The following KCNE3 variants were observed in gnomAD, a reference collection of about 807,000 sequenced individuals.
The protein encoded by KCNE3 is potassium voltage-gated channel subfamily E regulatory subunit 3, also known as potassium voltage-gated channel subfamily E member 3.
KCNE3 carries 2 observed loss-of-function variants against 4.3 expected under a neutral mutation model. That is an observed-to-expected ratio of 0.47 (90% CI 0.19 to 1.48). The LOEUF (loss-of-function observed/expected upper bound fraction) is 1.48, where lower values mean the gene tolerates loss of function less well. KCNE3 is among the 40% of genes most tolerant of loss of function. The pLI is 0.25. For missense variants in KCNE3, 128 were observed against 136.8 expected (o/e 0.94, Z 0.32); for synonymous variants, 47 against 52.0 (o/e 0.90, Z 0.41).
At chr11:74,466,962 G>C (rs1864069522) in intron 1 of KCNE3, among the ~76,000 whole-genome samples, 1 of 152,172 alleles carries the variant, frequency 6.6e-6, no homozygotes, top group Non-Finnish European at 1.5e-5. Flanking sequence ...GGTGTAGAGG[G>C]AATGGGCAAG....
In KCNE3 at chr11:74,457,339, G is replaced by A. The variant is rs1232156443; in HGVS notation, c.225C>T (p.Leu75=). The A allele has an allele frequency of 2.5e-6, 4 of 1,614,236 alleles. No homozygotes were observed. The highest frequency in any genetic ancestry group is 1.7e-5 in the Admixed American group (1 of 60,032). Residue 75 remains leucine (L), a synonymous_variant, in exon 3 of 3, where the codon CTC becomes CTT. Coordinates refer to ENST00000310128, the MANE Select transcript of KCNE3 (RefSeq NM_005472.5). Reference sequence around the variant, plus strand: ...TGCGGGAGCGGGTGTATCCCAGGATGAGGCTGCCCACAGTTACAGCAAATA... The same window carrying A: ...TGCGGGAGCGGGTGTATCCCAGGATAAGGCTGCCCACAGTTACAGCAAATA... The part of the protein sequence containing the change: ...MFLFAVTVGS[L]ILGYTRSRKV...
intron 1 of KCNE3, among the ~76,000 whole-genome samples, chr11:74,462,581 G>A (rs72550289): frequency 9.2e-5 from 14 of 152,238 alleles, no homozygotes; most frequent in Non-Finnish European, 1.9e-4. Flanking sequence ...CAGATAGACA[G>A]GATATGAACA....
intron 1 of KCNE3, among the ~76,000 whole-genome samples, chr11:74,465,849 C>T (rs1864047538): frequency 6.6e-6 from 1 of 152,158 alleles, no homozygotes; most frequent in South Asian, 2.1e-4. Flanking sequence ...GCAGGCTGGT[C>T]ACACTGTTTT....
rs1256343463 is a variant in KCNE3 at position 74,457,506 on chromosome 11, C to T, written c.58G>A (p.Ala20Thr). ...WYESLHAVLK[A>T]LNATLHSNLL... ...TTGCTGTGAAGAGTGGCATTTAGAG[C>T]CTTCAGCACGGCATGCAGGCTCTCA... is the stretch of plus-strand genomic sequence containing the variant. The change falls in exon 3 of 3, where the codon GCT becomes ACT. Residue 20 changes from alanine (A) to threonine (T), a missense_variant. By Grantham distance (58) the Ala-to-Thr change is moderately conservative. Transcript: ENST00000310128. 1.9e-6 allele frequency: 3 copies of T among 1,614,196 alleles called. No homozygotes were observed. The highest frequency in any genetic ancestry group is 1.7e-5 in the Admixed American group (1 of 60,022).
At chr11:74,463,264 T>A (rs1301812793) in intron 1 of KCNE3, among the ~76,000 whole-genome samples, 1 of 152,048 alleles carries the variant, frequency 6.6e-6, no homozygotes. Context: ...CCTCAGGGTC[T>A]CTCTGAATAG....
intron 1 of KCNE3, among the ~76,000 whole-genome samples, chr11:74,465,144 G>A (rs1053626775): frequency 6.6e-6 from 1 of 152,000 alleles, no homozygotes; most frequent in Non-Finnish European, 1.5e-5. Context: ...GTGTGTATGT[G>A]TATGTGTGTA....
intron 2 of KCNE3, among the ~76,000 whole-genome samples, chr11:74,458,341 C>T (rs1168231024): frequency 6.6e-6 from 1 of 152,224 alleles, no homozygotes; most frequent in Admixed American, 6.5e-5. Context: ...CCATTTTATA[C>T]ACAGGGAAAC....
rs1863792003 is a variant in KCNE3 at position 74,455,622 on chromosome 11, T to C, written c.*1630A>G. 1 of 152,236 alleles carries C rather than the reference T, an allele frequency of 6.6e-6. No homozygotes were observed. The highest frequency in any genetic ancestry group is 2.1e-4 in the South Asian group (1 of 4,834). The allele number at this position is 152,236 out of a possible 1,614,324, so 9.4% of individuals were successfully genotyped here. A position where few individuals can be genotyped will look rare whatever the true frequency, so the allele number is the denominator to read the frequency against. On this transcript the variant is annotated 3_prime_UTR_variant, in exon 3 of 3. Coordinates refer to ENST00000310128, the MANE Select transcript of KCNE3 (RefSeq NM_005472.5). ...TAAGATCATACATCACCTTAAGTGG[T>C]AGAATCAGGGCTGCTTCTCTTCCTA...
In KCNE3 at chr11:74,461,292, T is replaced by TTGTGTGTG. The variant is rs4018948; in HGVS notation, c.-41+655_-41+662dup. On this transcript the variant is annotated intron_variant, in intron 2 of 2. Coordinates refer to ENST00000310128, the MANE Select transcript of KCNE3 (RefSeq NM_005472.5). ...GACTAAGATGGTATATTTTTATGTT[T>TTGTGTGTG]TGTGTGTGTGTGTGTGTGTGTGTGT... Among the ~76,000 whole-genome samples the TTGTGTGTG allele has an allele frequency of 4.0e-3, 594 of 148,472 alleles. 2 individuals carry two copies. The highest frequency in any genetic ancestry group is 0.014 in the African/African-American group (554 of 40,024).
rs114588736 is a variant in KCNE3, at chr11:74,461,594, G to A, written c.-41+361C>T. On this transcript the variant is annotated intron_variant, in intron 2 of 2. Transcript: ENST00000310128. ...GCCGAGATCACACCACTGCACTCCA[G>A]CCTGGGCAGGAAAGCAAGACCTCTG... Among the ~76,000 whole-genome samples the A allele has an allele frequency of 5.7e-3, 870 of 152,182 alleles. 12 individuals are homozygous for A. The highest frequency in any genetic ancestry group is 0.02 in the African/African-American group (831 of 41,494).
chr11:74,465,349 G>T (rs956779192), intron 1 of KCNE3, among the ~76,000 whole-genome samples: 2 of 152,140 alleles, frequency 1.3e-5, no homozygotes, highest in Non-Finnish European at 2.9e-5. Context: ...CCAGGGCAGG[G>T]CAAAACAGAT....
intron 2 of KCNE3, among the ~76,000 whole-genome samples, chr11:74,459,478 G>T (rs1335441470): frequency 3.9e-5 from 6 of 151,956 alleles, no homozygotes; most frequent in Admixed American, 3.9e-4. Context: ...TAGCCAGGAT[G>T]GTCTCGATCT....
At chr11:74,459,495 T>C (rs562750305) in intron 2 of KCNE3, among the ~76,000 whole-genome samples, 26 of 152,052 alleles carry the variant, frequency 1.7e-4, no homozygotes, top group East Asian at 9.7e-4. Context: ...ATCTCCTGAC[T>C]TTGTGATTCG....
rs41315535 is a variant in KCNE3, at chr11:74,455,736, G to GTT, written c.*1514_*1515dup. The GTT allele has an allele frequency of 0.085, 12,709 of 148,826 alleles. 620 individuals carry two copies. Among genetic ancestry groups the GTT allele is most frequent in the Middle Eastern group, 0.11 (33 of 290 alleles). 9.2% of individuals were successfully genotyped at this position (148,826 alleles called of 1,614,324 possible). On this transcript the variant is annotated 3_prime_UTR_variant, in exon 3 of 3. Transcript: ENST00000310128. ...ATCAGTCTTTTTTGTTTTTGTTTTT[G>GTT]TTTTTTTTTGAGACAGAGCCTTGCT... is the stretch of plus-strand genomic sequence containing the variant.
chr11:74,457,544 G>A lies in KCNE3; in HGVS notation c.20C>T (p.Thr7Met), dbSNP rs547194943. 32 of 1,614,134 alleles carry A rather than the reference G, an allele frequency of 2.0e-5. 1 individual carries two copies. The East Asian group carries it at 2.2e-4, about 11-fold the overall frequency. ...ATGCAGGCTCTCATACCAGGTCTCCGTTCCATTGGTAGTCTCCATAGCAAC... is the reference window on the plus strand; with the variant it reads ...ATGCAGGCTCTCATACCAGGTCTCCATTCCATTGGTAGTCTCCATAGCAAC... METTNG[T>M]ETWYESLHAV... The change falls in exon 3 of 3, where the codon ACG becomes ATG. Residue 7 changes from threonine to methionine, a missense_variant. By Grantham distance (81) the Thr-to-Met change is moderately conservative. Coordinates refer to ENST00000310128, the MANE Select transcript of KCNE3 (RefSeq NM_005472.5).
At chr11:74,462,374 G>A (rs755417159) in intron 1 of KCNE3, 1 of 152,264 alleles carries the variant, frequency 6.6e-6, no homozygotes, top group African/African-American at 2.4e-5. Context: ...GTGACTTCAT[G>A]AGAAACCTGT....
intron 1 of KCNE3, among the ~76,000 whole-genome samples, chr11:74,466,866 C>CGA (rs1864067683): frequency 6.6e-6 from 1 of 152,196 alleles, no homozygotes; most frequent in Non-Finnish European, 1.5e-5. Flanking sequence ...CTCCCAGCCT[C>CGA]GACCTATGTT....
intron 1 of KCNE3, among the ~76,000 whole-genome samples, chr11:74,465,322 T>G (rs1565463056): frequency 6.6e-6 from 1 of 152,104 alleles, no homozygotes; most frequent in East Asian, 1.9e-4. Context: ...CAGTTTACAA[T>G]ATTTAAAAAG....
chr11:74,466,398 G>A (rs1864057456), intron 1 of KCNE3, among the ~76,000 whole-genome samples: 1 of 152,160 alleles, frequency 6.6e-6, no homozygotes, highest in Non-Finnish European at 1.5e-5. Context: ...TAGGCCCCCA[G>A]CATGGGTCTT....
Sources: allele counts gnomAD v4.1 joint callset (sites outside exome capture counted in the v4.1 genomes callset), GRCh38; gene constraint gnomAD v4.1.1; transcripts MANE v1.5; gene names NCBI Gene and HGNC (gene_info 2026-07-23, HGNC 2026-07-21).